ANKS6: variants seen among roughly 807,000 people sequenced by gnomAD.
The protein encoded by ANKS6 is ankyrin repeat and sterile alpha motif domain containing 6, also known as ankyrin repeat and SAM domain-containing protein 6.
ANKS6 carries 47 observed loss-of-function variants against 77.9 expected under a neutral mutation model. That is an observed-to-expected ratio of 0.60 (90% CI 0.48 to 0.77). The LOEUF is 0.77. Among genes scored for constraint, ANKS6 ranks in the 30% least tolerant of loss-of-function variants. The pLI, the probability that ANKS6 is intolerant of heterozygous loss-of-function variation, is 0.00. For missense variants in ANKS6, 1,150 were observed against 1,159.1 expected (o/e 0.99, Z 0.11); for synonymous variants, 488 against 501.7 (o/e 0.97, Z 0.37).
At chr9:98,759,374 T>C (rs1832893948) in intron 11 of ANKS6, among the ~76,000 whole-genome samples, 1 of 152,228 alleles carries the variant, frequency 6.6e-6, no homozygotes, top group Non-Finnish European at 1.5e-5. Context: ...ACCAATCAAT[T>C]AATCAGTTCT....
chr9:98,768,539 C>T (rs968053289), intron 10 of ANKS6, among the ~76,000 whole-genome samples: 3 of 152,158 alleles, frequency 2.0e-5, no homozygotes, highest in African/African-American at 4.8e-5. Flanking sequence ...CAGCTTGTGC[C>T]GGCCCCCACC....
intron 2 of ANKS6, among the ~76,000 whole-genome samples, chr9:98,788,692 G>A (rs1232166780): frequency 6.6e-6 from 1 of 152,184 alleles, no homozygotes; most frequent in Non-Finnish European, 1.5e-5. Context: ...TCACAGATGA[G>A]GCAAAGGCTC....
At chr9:98,750,984 T>C (rs1201827584) in intron 13 of ANKS6, 45 bp downstream of exon 13, 1 of 1,528,612 alleles carries the variant, frequency 6.5e-7, no homozygotes, top group Middle Eastern at 1.8e-4. Context: ...CAAATTTTTC[T>C]TTCATAGTAA....
chr9:98,763,886 T>C (rs375080045), intron 11 of ANKS6, among the ~76,000 whole-genome samples: 5 of 152,116 alleles, frequency 3.3e-5, no homozygotes, highest in African/African-American at 1.2e-4. Flanking sequence ...AAGGGAATAA[T>C]TCCTTGAAAG....
intron 10 of ANKS6, among the ~76,000 whole-genome samples, chr9:98,770,657 G>GA (rs575014254): frequency 2.7e-5 from 4 of 147,192 alleles, no homozygotes; most frequent in South Asian, 2.2e-4. Flanking sequence ...AATTTTACAA[G>GA]AAAAAAAAAA....
intron 12 of ANKS6, among the ~76,000 whole-genome samples, chr9:98,755,947 G>A (rs895017284): frequency 6.6e-6 from 1 of 152,178 alleles, no homozygotes; most frequent in Admixed American, 6.5e-5. Context: ...ACCACTTGGA[G>A]AGAACCTACC....
At chr9:98,763,310 A>G (rs1361574421) in intron 11 of ANKS6, among the ~76,000 whole-genome samples, 1 of 152,132 alleles carries the variant, frequency 6.6e-6, no homozygotes, top group African/African-American at 2.4e-5. Flanking sequence ...TAATCAAATT[A>G]AACTGAAATC....
chr9:98,796,505 C>T lies in ANKS6; in HGVS notation c.-14G>A. 12 of 986,832 alleles carry T rather than the reference C, an allele frequency of 1.2e-5. No individual in the cohort carries two copies. The highest frequency in any genetic ancestry group is 1.4e-5 in the Non-Finnish European group (12 of 832,110). The allele number at this position is 986,832 out of a possible 1,614,324, so 61.1% of individuals were successfully genotyped here. A position where few individuals can be genotyped will look rare whatever the true frequency, so the allele number is the denominator to read the frequency against. On this transcript the variant is annotated 5_prime_UTR_variant, in exon 1 of 15. Coordinates refer to ENST00000353234, the MANE Select transcript of ANKS6 (RefSeq NM_173551.5). ...GCCCTCGCCCATCGCCGCCGCCACG[C>T]GCGGCCCGCTCCCGTCCGCCCCGCC...
In ANKS6 at chr9:98,739,794, G is replaced by T. The variant is rs1321450079; in HGVS notation, c.2512-3171C>A. Among the ~76,000 whole-genome samples, 6 of 111,478 alleles carry T rather than the reference G, an allele frequency of 5.4e-5. No individual in the cohort carries two copies. The Admixed American group carries it at 6.3e-4, about 12-fold the overall frequency. The allele number at this position is 111,478 out of a possible 152,430, so 73.1% of individuals were successfully genotyped here. On this transcript the variant is annotated intron_variant, in intron 14 of 14. Coordinates refer to ENST00000353234, the MANE Select transcript of ANKS6 (RefSeq NM_173551.5). ...TTTTTTGAGACGGAGTCTTGCTGTC[G>T]CCCAGGCTGGAGTGCAGTGGCGCAA...
chr9:98,784,738 C>T, intron 3 of ANKS6, 94 bp downstream of exon 3: 1 of 1,167,470 alleles, frequency 8.6e-7, no homozygotes, highest in East Asian at 2.4e-5. Flanking sequence ...TTCTCAAATA[C>T]CCTGGGTGGC....
intron 9 of ANKS6, among the ~76,000 whole-genome samples, chr9:98,772,754 G>A (rs1299183291): frequency 6.6e-6 from 1 of 152,146 alleles, no homozygotes; most frequent in Non-Finnish European, 1.5e-5. Context: ...GCACTCCACT[G>A]GGGAGAAAAC....
intron 13 of ANKS6, among the ~76,000 whole-genome samples, chr9:98,749,206 C>T (rs900349662): frequency 1.3e-5 from 2 of 152,186 alleles, no homozygotes; most frequent in East Asian, 1.9e-4. Context: ...AGCACAGCCA[C>T]CTGTGTCAAG....
Position 98,796,225 on chromosome 9 carries a change from G to GC in ANKS6, c.266dup (p.His90ProfsTer47). ...GCAGGAAGCGCACCAGCGGTTCGTGGCCCCCGGCCGCGGCGAACTGCAGTG... is the reference window on the plus strand; with the variant it reads ...GCAGGAAGCGCACCAGCGGTTCGTGGCCCCCCGGCCGCGGCGAACTGCAGTG... On this transcript the variant is annotated frameshift_variant, in exon 1 of 15. Transcript: ENST00000353234. LOFTEE classifies it high-confidence loss of function. The GC allele has an allele frequency of 7.1e-7, 1 of 1,407,298 alleles. No homozygotes were observed. Among genetic ancestry groups the GC allele is most frequent in the South Asian group, 1.5e-5 (1 of 66,674 alleles). 87.2% of individuals were successfully genotyped at this position (1,407,298 alleles called of 1,614,324 possible). A position where few individuals can be genotyped will look rare whatever the true frequency, so the allele number is the denominator to read the frequency against.
In ANKS6 at chr9:98,777,583, G is replaced by C. The variant is rs7035722; in HGVS notation, c.1568-129C>G. The C allele has an allele frequency of 0.25, 192,488 of 777,054 alleles. 25,240 individuals carry two copies. The highest frequency in any genetic ancestry group is 0.41 in the East Asian group (15,592 of 38,264). 48.1% of individuals were successfully genotyped at this position (777,054 alleles called of 1,614,324 possible). On this transcript the variant is annotated intron_variant, in intron 7 of 14. Transcript: ENST00000353234. Reference sequence around the variant, plus strand: ...GTGCTTAAATATTTAATAATAATTGGTATTCGATATTTTAATAGAAGGAAG... The same window carrying C: ...GTGCTTAAATATTTAATAATAATTGCTATTCGATATTTTAATAGAAGGAAG...
chr9:98,776,069 C>G (rs1833903148), intron 8 of ANKS6, among the ~76,000 whole-genome samples: 1 of 152,130 alleles, frequency 6.6e-6, no homozygotes, highest in African/African-American at 2.4e-5. Flanking sequence ...GCTAAAGGGA[C>G]TCAAGTCCAA....
rs185733437 is a variant in ANKS6, at chr9:98,785,381, C to T, written c.863-505G>A. Among the ~76,000 whole-genome samples, 355 of 152,358 alleles carry T rather than the reference C, an allele frequency of 2.3e-3. 1 individual carries two copies. Among genetic ancestry groups the T allele is most frequent in the African/African-American group, 8.3e-3 (344 of 41,594 alleles). On this transcript the variant is annotated intron_variant, in intron 2 of 14. Coordinates refer to ENST00000353234, the MANE Select transcript of ANKS6 (RefSeq NM_173551.5). ...CCAATGCTCATATTTTCTTTCCCTC[C>T]CATGTAAGAAGCAATCAGAACATGC...
At position 98,791,721 on chromosome 9, in the gene ANKS6, C is replaced by T. The variant is rs552644107; in HGVS notation, c.360-1115G>A. Among the ~76,000 whole-genome samples the T allele has an allele frequency of 9.2e-5, 14 of 152,130 alleles. No individual in the cohort carries two copies. Among genetic ancestry groups the T allele is most frequent in the African/African-American group, 2.9e-4 (12 of 41,424 alleles). ...TTTCTCGATGCTCAGCCCTCCTTCC[C>T]GGGAGCCAGTTTTGCACCTCATCTA... On this transcript the variant is annotated intron_variant, in intron 1 of 14. Coordinates refer to ENST00000353234, the MANE Select transcript of ANKS6 (RefSeq NM_173551.5). The surrounding 1 kb of genome is among the most constrained non-coding windows in gnomAD (Gnocchi z 4.3).
Position 98,782,824 on chromosome 9 carries a change from C to T in ANKS6, c.1113-251G>A, listed in dbSNP as rs905015566. 3.3e-5 allele frequency among the ~76,000 whole-genome samples: 5 copies of T among 152,216 alleles called. 1 individual carries two copies. The highest frequency in any genetic ancestry group is 2.1e-4 in the South Asian group (1 of 4,818). ...GAGGCTAGATGTGGTGGCTCACACC[C>T]GTAATCCCATCACTTTGGGAAGCCA... On this transcript the variant is annotated intron_variant, in intron 4 of 14. Transcript: ENST00000353234.
At position 98,778,270 on chromosome 9, in the gene ANKS6, C is replaced by T. The variant is rs771427274; in HGVS notation, c.1523G>A (p.Ser508Asn). Residue 508 changes from serine to asparagine, a missense_variant, in exon 7 of 15, where the codon AGC (serine) becomes AAC (asparagine). Coordinates refer to ENST00000353234, the MANE Select transcript of ANKS6 (RefSeq NM_173551.5). Reference protein sequence around the residue: ...TMRAAPQDKTSRSALPDAAPV... With the variant: ...TMRAAPQDKTNRSALPDAAPV... ...GGCCGCATCAGGGAGTGCAGAGCGG[C>T]TTGTCTTGTCCTGGGGGGCAGCCCT... 1.2e-6 allele frequency: 2 copies of T among 1,614,098 alleles called. No homozygotes were observed. Among genetic ancestry groups the T allele is most frequent in the Non-Finnish European group, 1.7e-6 (2 of 1,180,050 alleles).
Sources: allele counts gnomAD v4.1 joint callset (sites outside exome capture counted in the v4.1 genomes callset), GRCh38; gene constraint gnomAD v4.1.1; non-coding constraint Gnocchi (gnomAD v3.1); transcripts MANE v1.5; gene names NCBI Gene and HGNC (gene_info 2026-07-23, HGNC 2026-07-21).